The following SDK2 variants were observed in gnomAD, a reference collection of about 807,000 sequenced individuals.
SDK2 encodes the protein sidekick cell adhesion molecule 2, also known as protein sidekick-2.
Under a neutral mutation model 253.9 loss-of-function variants are expected in SDK2, and 105 were observed. The ratio of observed to expected loss-of-function variants is 0.41; its 90% CI spans 0.35 to 0.49. The LOEUF is 0.49. Among genes scored for constraint, SDK2 ranks in the 20% least tolerant of loss-of-function variants. SDK2 has a pLI of 0.06. For missense variants in SDK2, 2,608 were observed against 3,003.0 expected (o/e 0.87, Z 3.07); for synonymous variants, 1,249 against 1,234.9 (o/e 1.01, Z -0.24).
intron 1 of SDK2, among the ~76,000 whole-genome samples, chr17:73,601,902 C>G (rs2045847082): frequency 6.6e-6 from 1 of 152,158 alleles, no homozygotes; most frequent in Non-Finnish European, 1.5e-5. Flanking sequence ...CAGCACCATG[C>G]CCGGCTAATT....
intron 37 of SDK2, among the ~76,000 whole-genome samples, chr17:73,366,457 G>A (rs1312135727): frequency 6.6e-6 from 1 of 152,128 alleles, no homozygotes; most frequent in Non-Finnish European, 1.5e-5. Flanking sequence ...TGTCCCCAGA[G>A]AGGGTCATAA....
intron 37 of SDK2, among the ~76,000 whole-genome samples, chr17:73,366,708 C>G (rs1034904083): frequency 2.6e-5 from 4 of 152,154 alleles, no homozygotes; most frequent in Non-Finnish European, 5.9e-5. Flanking sequence ...GTGACCCCGG[C>G]TCATCGTGAG....
At chr17:73,401,827 T>C (rs2063029510) in intron 19 of SDK2, 75 bp from the exon 20 acceptor site, 2 of 1,428,880 alleles carry the variant, frequency 1.4e-6, no homozygotes, top group Non-Finnish European at 1.9e-6. Flanking sequence ...TGAGATAGCC[T>C]GTGGTAATCT....
In SDK2 at chr17:73,448,555, A is replaced by G. The variant is rs575893738; in HGVS notation, c.480-807T>C. Among the ~76,000 whole-genome samples the G allele has an allele frequency of 1.6e-4, 25 of 151,744 alleles. No individual in the cohort carries two copies. In the East Asian group the frequency reaches 3.9e-3, roughly 24 times the overall value. On this transcript the variant is annotated intron_variant, in intron 4 of 44. Coordinates refer to ENST00000392650, the MANE Select transcript of SDK2 (RefSeq NM_001144952.2). ...AATTTTTTGTATTTTTAGTAGGGACAGGGTTTCACTTTGTTAGCCAGGATG... is the reference window on the plus strand; with the variant it reads ...AATTTTTTGTATTTTTAGTAGGGACGGGGTTTCACTTTGTTAGCCAGGATG...
chr17:73,433,934 G>C (rs919734240), intron 9 of SDK2, 86 bp from the exon 10 acceptor site: 29 of 900,020 alleles, frequency 3.2e-5, no homozygotes, highest in Non-Finnish European at 4.6e-5. Context: ...AGCCCACCGA[G>C]GGCCAGGCCC....
At chr17:73,578,603 C>T in intron 1 of SDK2, among the ~76,000 whole-genome samples, 1 of 152,140 alleles carries the variant, frequency 6.6e-6, no homozygotes, top group East Asian at 1.9e-4. Flanking sequence ...CATGGTTCTG[C>T]AGACCAGGCC....
intron 16 of SDK2, 124 bp downstream of exon 16, chr17:73,419,042 A>G: frequency 9.2e-7 from 1 of 1,087,072 alleles, no homozygotes; most frequent in Non-Finnish European, 1.3e-6. Context: ...ATTTCTTGTT[A>G]CCTAGTCCTT....
chr17:73,472,087 G>T (rs1369480856), intron 3 of SDK2, 25 bp downstream of exon 3: 3 of 1,517,580 alleles, frequency 2.0e-6, no homozygotes, highest in Admixed American at 3.9e-5. Context: ...CGCCCCCCCT[G>T]CCCCTGGGTC....
At chr17:73,449,592 C>T (rs913026024) in intron 4 of SDK2, among the ~76,000 whole-genome samples, 13 of 141,632 alleles carry the variant, frequency 9.2e-5, no homozygotes, top group African/African-American at 3.4e-4. Flanking sequence ...CTAATGATGC[C>T]CCCCCACCTC....
chr17:73,414,680 G>A lies in SDK2; in HGVS notation c.2448C>T (p.Ser816=), dbSNP rs143251430. Reference sequence around the variant, plus strand: ...GGTTGATGCCGTTGATGAACTGGGGGCTGGGGGCGTTCCAGGTGAAGCGGA... The same window carrying A: ...GGTTGATGCCGTTGATGAACTGGGGACTGGGGGCGTTCCAGGTGAAGCGGA... ...TTIRFTWNAP[S]PQFINGINQG... is the part of the protein sequence containing the mutation. Residue 816 remains serine, a synonymous_variant, in exon 18 of 45, where the codon AGC becomes AGT. Coordinates refer to ENST00000392650, the MANE Select transcript of SDK2 (RefSeq NM_001144952.2). 2.0e-5 allele frequency: 33 copies of A among 1,613,750 alleles called. No individual in the cohort carries two copies. Among genetic ancestry groups the A allele is most frequent in the Admixed American group, 2.0e-4 (12 of 59,990 alleles).
intron 1 of SDK2, among the ~76,000 whole-genome samples, chr17:73,521,993 G>A (rs1300070303): frequency 6.6e-6 from 1 of 152,202 alleles, no homozygotes; most frequent in Non-Finnish European, 1.5e-5. Context: ...GCAATGCTGT[G>A]GAGTCGGAAC....
In SDK2 at chr17:73,455,537, T is replaced by C. The variant is rs993229116; in HGVS notation, c.479+369A>G. Among the ~76,000 whole-genome samples the C allele has an allele frequency of 1.4e-4, 21 of 152,106 alleles. No homozygotes were observed. The highest frequency in any genetic ancestry group is 2.4e-4 in the Non-Finnish European group (16 of 68,010). On this transcript the variant is annotated intron_variant, in intron 4 of 44. Coordinates refer to ENST00000392650, the MANE Select transcript of SDK2 (RefSeq NM_001144952.2). The surrounding 1 kb of genome is among the most constrained non-coding windows in gnomAD (Gnocchi z 5.0). ...CCCGGCTGCCCAGGAGACGCCAGCC[T>C]CTCCAAGGTCCCCCAGCGCCACTGG...
At chr17:73,601,535 C>T (rs868804818) in intron 1 of SDK2, among the ~76,000 whole-genome samples, 9 of 152,192 alleles carry the variant, frequency 5.9e-5, no homozygotes, top group African/African-American at 9.6e-5. Flanking sequence ...AGAGAAAAGA[C>T]GGGATGAAGC....
intron 27 of SDK2, among the ~76,000 whole-genome samples, chr17:73,393,020 G>C (rs1163280907): frequency 6.6e-6 from 1 of 152,058 alleles, no homozygotes; most frequent in Non-Finnish European, 1.5e-5. Context: ...TGAGGTGGGT[G>C]GATTGCCTGA....
At chr17:73,585,640 A>G (rs1300858209) in intron 1 of SDK2, among the ~76,000 whole-genome samples, 3 of 152,076 alleles carry the variant, frequency 2.0e-5, no homozygotes, top group Non-Finnish European at 4.4e-5. Flanking sequence ...ACCACCCACC[A>G]TCCTCCCTCA....
rs754494260 is a variant in SDK2 at position 73,415,654 on chromosome 17, A to AT, written c.2368+156dup. 1.4e-4 allele frequency among the ~76,000 whole-genome samples: 22 copies of AT among 151,772 alleles called. No individual in the cohort carries two copies. In the East Asian group the frequency reaches 2.1e-3, roughly 15 times the overall value. The stretch of plus-strand genomic sequence containing the variant: ...TGTAGCATGCCACCACACCCAGATA[A>AT]TTTTTTTCACTTTTTGTAGAGATGG... On this transcript the variant is annotated intron_variant, in intron 17 of 44. Transcript: ENST00000392650.
At chr17:73,571,793 C>T (rs866955441) in intron 1 of SDK2, among the ~76,000 whole-genome samples, 13 of 152,212 alleles carry the variant, frequency 8.5e-5, no homozygotes, top group African/African-American at 2.2e-4. Flanking sequence ...CCTCTCTGAC[C>T]GGGGTCTGAC....
At chr17:73,588,950 G>A (rs747626685) in intron 1 of SDK2, among the ~76,000 whole-genome samples, 13 of 152,262 alleles carry the variant, frequency 8.5e-5, no homozygotes, top group Admixed American at 3.3e-4. Flanking sequence ...CCACTAATCC[G>A]TGATCTCACA....
Position 73,348,709 on chromosome 17 carries a change from T to C in SDK2, c.6055A>G (p.Ser2019Gly). The change falls in exon 44 of 45, where the codon AGC becomes GGC. Residue 2019 changes from serine to glycine, a missense_variant. By Grantham distance (56) the Ser-to-Gly change is moderately conservative (BLOSUM62 0). This residue lies in a region of SDK2 where 1,103 missense variants were observed against 1,143.9 expected (regional missense o/e 0.96). Transcript: ENST00000392650. Reference sequence around the variant, plus strand: ...TCCGAGTAGTGCAGGCTGCCTGGGCTGGGCCTGGGGGGAGACCTGGAGAGA... The same window carrying C: ...TCCGAGTAGTGCAGGCTGCCTGGGCCGGGCCTGGGGGGAGACCTGGAGAGA... Reference protein sequence around the residue: ...GLYTRSPPRPSPGSLHYSDED... With the variant: ...GLYTRSPPRPGPGSLHYSDED... 1 of 1,609,176 alleles carries C rather than the reference T, an allele frequency of 6.2e-7. No homozygotes were observed. Among genetic ancestry groups the C allele is most frequent in the Non-Finnish European group, 8.5e-7 (1 of 1,179,548 alleles).
Sources: gnomAD v4.1 joint callset for allele counts (sites outside exome capture counted in the v4.1 genomes callset) on GRCh38, gnomAD v4.1.1 for gene constraint, gnomAD v4.1.1 regional missense constraint, Gnocchi (gnomAD v3.1) non-coding constraint, MANE v1.5 for transcripts, NCBI Gene and HGNC (gene_info 2026-07-23, HGNC 2026-07-21) for gene names.